Variants in DSC3 observed in about 807,000 individuals in gnomAD.
DSC3 encodes the protein desmocollin-3.
Under a neutral mutation model 89.5 loss-of-function variants are expected in DSC3, and 97 were observed. That is an observed-to-expected ratio of 1.08 (90% confidence interval 0.92 to 1.28). DSC3 has a LOEUF of 1.28. DSC3 is among the 50% of genes most tolerant of loss of function. DSC3 has a pLI of 0.00. For synonymous variants in DSC3, 436 were observed against 384.1 expected (o/e 1.14, Z -1.58); for missense variants, 1,199 against 1,085.3 (o/e 1.10, Z -1.47).
rs891308499 is a variant in DSC3 at position 31,005,789 on chromosome 18, T to C, written c.1888+1118A>G. ...GATGTTAATACAACAGGAAAGGCAC[T>C]GCAATGCAGGTAGCGAAGGGTCATG... On this transcript the variant is annotated intron_variant, in intron 12 of 15. Coordinates refer to ENST00000360428, the MANE Select transcript of DSC3 (RefSeq NM_001941.5). Among the ~76,000 whole-genome samples, 8 of 152,294 alleles carry C rather than the reference T, an allele frequency of 5.3e-5. No homozygotes were observed. The South Asian group carries it at 1.7e-3, about 32-fold the overall frequency.
Position 31,031,085 on chromosome 18 carries a change from G to T in DSC3, c.242C>A (p.Thr81Lys), listed in dbSNP as rs766905476. Residue 81 changes from threonine (T) to lysine (K), a missense_variant, in exon 3 of 16, where the codon ACA becomes AAA. Physicochemically the swap from Thr to Lys is moderately conservative, Grantham distance 78. Coordinates refer to ENST00000360428, the MANE Select transcript of DSC3 (RefSeq NM_001941.5). ...ATCAGACAGCGCAACAGCCCTGGCT[G>T]TGTACACTGACCCATCATTTAGAAC... is the stretch of plus-strand genomic sequence containing the variant. ...FRVLNDGSVY[T>K]ARAVALSDKK... 6.2e-7 allele frequency: 1 copy of T among 1,614,084 alleles called. No homozygotes were observed. Among genetic ancestry groups the T allele is most frequent in the East Asian group, 2.2e-5 (1 of 44,864 alleles).
chr18:30,997,381 G>A (rs955326329), intron 14 of DSC3, among the ~76,000 whole-genome samples: 2 of 152,164 alleles, frequency 1.3e-5, no homozygotes, highest in African/African-American at 4.8e-5. Flanking sequence ...GCACGAGTGA[G>A]AGGGAGAGGG....
At chr18:31,007,200 T>C (rs991178615) in intron 11 of DSC3, 69 bp from the exon 12 acceptor site, 30 of 1,075,504 alleles carry the variant, frequency 2.8e-5, no homozygotes, top group Middle Eastern at 5.8e-4. Flanking sequence ...GAATAAAAAG[T>C]CAATTATATT....
Position 31,024,347 on chromosome 18 carries a change from A to G in DSC3, c.775+2T>C, listed in dbSNP as rs1370502987. 8.2e-6 allele frequency: 13 copies of G among 1,585,288 alleles called. No individual in the cohort carries two copies. Among genetic ancestry groups the G allele is most frequent in the Non-Finnish European group, 1.0e-5 (12 of 1,165,262 alleles). On this transcript the variant is annotated splice_donor_variant, in intron 6 of 15. Coordinates refer to ENST00000360428, the MANE Select transcript of DSC3 (RefSeq NM_001941.5). LOFTEE classifies it high-confidence loss of function. ...TCTTTTTATTCTTAAAAGCAGACTT[A>G]CCAGGTCTACTACTTTCCAAAACTT...
intron 13 of DSC3, among the ~76,000 whole-genome samples, chr18:31,002,557 G>A (rs145526887): frequency 6.6e-5 from 10 of 151,908 alleles, no homozygotes; most frequent in South Asian, 4.2e-4. Context: ...AAAATTAGCC[G>A]GGCACAGTGG....
chr18:30,997,171 A>G, intron 14 of DSC3, 123 bp from the exon 15 acceptor site: 1 of 1,236,458 alleles, frequency 8.1e-7, no homozygotes, highest in Non-Finnish European at 1.2e-6. Context: ...TTCATTCAAC[A>G]GACATTTATC....
chr18:31,041,334 T>C (rs1157388836), intron 1 of DSC3, among the ~76,000 whole-genome samples: 1 of 152,270 alleles, frequency 6.6e-6, no homozygotes, highest in African/African-American at 2.4e-5. Flanking sequence ...AGTCACTTCA[T>C]AAGCTCAGAT....
At chr18:31,035,442 A>T (rs1985938721) in intron 1 of DSC3, among the ~76,000 whole-genome samples, 1 of 151,914 alleles carries the variant, frequency 6.6e-6, no homozygotes, top group Admixed American at 6.5e-5. Context: ...GTAATAAGTC[A>T]TTTGCCCTTT....
At chr18:31,017,942 G>T in intron 9 of DSC3, 129 bp downstream of exon 9, 1 of 700,124 alleles carries the variant, frequency 1.4e-6, no homozygotes, top group Non-Finnish European at 2.3e-6. Flanking sequence ...GATTGGAATA[G>T]TGGTTTAAAT....
At chr18:31,041,169 A>G (rs1193583821) in intron 1 of DSC3, among the ~76,000 whole-genome samples, 1 of 152,104 alleles carries the variant, frequency 6.6e-6, no homozygotes, top group Non-Finnish European at 1.5e-5. Context: ...CGAATGCGAG[A>G]AATTCTGAGA....
chr18:31,027,990 G>A lies in DSC3; in HGVS notation c.474+1519C>T, dbSNP rs547455670. 8.5e-5 allele frequency among the ~76,000 whole-genome samples: 13 copies of A among 152,102 alleles called. No homozygotes were observed. In the East Asian group the frequency reaches 1.7e-3, roughly 20 times the overall value. ...AGGCTGTTTTTAAGAGAAATAACAA[G>A]CATTTTATTTCCATAAGTTTAGTTT... On this transcript the variant is annotated intron_variant, in intron 4 of 15. Coordinates refer to ENST00000360428, the MANE Select transcript of DSC3 (RefSeq NM_001941.5).
At chr18:31,013,789 C>G (rs1309136346) in intron 9 of DSC3, among the ~76,000 whole-genome samples, 1 of 152,086 alleles carries the variant, frequency 6.6e-6, no homozygotes, top group African/African-American at 2.4e-5. Context: ...GTGTACATTT[C>G]TGATGAGCAT....
chr18:30,991,263 A>G lies in DSC3; in HGVS notation c.*2912T>C, dbSNP rs190729434. On this transcript the variant is annotated 3_prime_UTR_variant, in exon 16 of 16. Coordinates refer to ENST00000360428, the MANE Select transcript of DSC3 (RefSeq NM_001941.5). The stretch of plus-strand genomic sequence containing the variant: ...CAGCTGCTTCCTTATAAAAGTAAGA[A>G]AAAACATTCTGTATATTTACATAAA... The G allele has an allele frequency of 1.4e-4, 22 of 152,792 alleles. No homozygotes were observed. Among genetic ancestry groups the G allele is most frequent in the Admixed American group, 1.4e-3 (22 of 15,302 alleles). 9.5% of individuals were successfully genotyped at this position (152,792 alleles called of 1,614,324 possible). A position where few individuals can be genotyped will look rare whatever the true frequency, so the allele number is the denominator to read the frequency against.
rs1404541338 is a variant in DSC3 at position 31,042,522 on chromosome 18, C to T, written c.69+70G>A. 3.4e-6 allele frequency: 5 copies of T among 1,464,680 alleles called. No individual in the cohort carries two copies. In the African/African-American group the frequency reaches 7.0e-5, roughly 21 times the overall value. 90.7% of individuals were successfully genotyped at this position (1,464,680 alleles called of 1,614,324 possible). ...ACGTTTCGGCCCGCTTTGTCCCCAGCTCCGTGCAGCGTCCAGGGCGGATCC... is the reference window on the plus strand; with the variant it reads ...ACGTTTCGGCCCGCTTTGTCCCCAGTTCCGTGCAGCGTCCAGGGCGGATCC... On this transcript the variant is annotated intron_variant, in intron 1 of 15. Transcript: ENST00000360428.
At chr18:31,006,797 A>C in intron 12 of DSC3, 110 bp downstream of exon 12, 1 of 863,370 alleles carries the variant, frequency 1.2e-6, no homozygotes, top group Non-Finnish European at 1.9e-6. Context: ...TCTAAAATAT[A>C]TTAATGAGAC....
At chr18:30,996,002 A>AC (rs1984449709) in intron 15 of DSC3, among the ~76,000 whole-genome samples, 1 of 141,692 alleles carries the variant, frequency 7.1e-6, no homozygotes, top group African/African-American at 3.0e-5. Context: ...AAAAAAAAGA[A>AC]AAGAAAGAAA....
At chr18:31,030,318 TAAG>T (rs1985737924) in intron 3 of DSC3, among the ~76,000 whole-genome samples, 1 of 152,224 alleles carries the variant, frequency 6.6e-6, no homozygotes. Context: ...TTTTATTTCA[TAAG>T]AATTAATTAA....
chr18:31,025,991 A>G, intron 4 of DSC3, 76 bp from the exon 5 acceptor site: 2 of 1,307,224 alleles, frequency 1.5e-6, no homozygotes, highest in Admixed American at 2.0e-5. Context: ...CAGCTGATGT[A>G]TCTTTTTATT....
At position 31,018,391 on chromosome 18, in the gene DSC3, T is replaced by C. The variant is rs1055815022; in HGVS notation, c.1078-135A>G. ...TTTTAAAACTATGAATCGTAAACAC[T>C]ATTGTTTCATTAAGGGTTATCTTTT... is the stretch of plus-strand genomic sequence containing the variant. On this transcript the variant is annotated intron_variant, in intron 8 of 15. Coordinates refer to ENST00000360428, the MANE Select transcript of DSC3 (RefSeq NM_001941.5). 33 of 765,540 alleles carry C rather than the reference T, an allele frequency of 4.3e-5. No individual in the cohort carries two copies. In the East Asian group the frequency reaches 9.0e-4, roughly 21 times the overall value. The allele number at this position is 765,540 out of a possible 1,614,324, so 47.4% of individuals were successfully genotyped here. A position where few individuals can be genotyped will look rare whatever the true frequency, so the allele number is the denominator to read the frequency against.
Sources: gnomAD v4.1 joint callset for allele counts (sites outside exome capture counted in the v4.1 genomes callset) on GRCh38, gnomAD v4.1.1 for gene constraint, MANE v1.5 for transcripts, NCBI Gene and HGNC (gene_info 2026-07-23, HGNC 2026-07-21) for gene names.